The following POU4F1 variants were observed in gnomAD, a reference collection of about 807,000 sequenced individuals.
The protein encoded by POU4F1 is POU domain, class 4, transcription factor 1.
Under a neutral mutation model 19.8 loss-of-function variants are expected in POU4F1, and 5 were observed. The ratio of observed to expected loss-of-function variants is 0.25; its 90% CI spans 0.13 to 0.53. The LOEUF is 0.53. POU4F1 is among the 20% of genes least tolerant of loss of function. The pLI is 0.96. For synonymous variants in POU4F1, 266 were observed against 247.7 expected, an observed-to-expected ratio of 1.07 and a Z score of -0.69; for missense variants, 408 against 511.6, an observed-to-expected ratio of 0.80 and a Z score of 1.95.
Position 78,602,536 on chromosome 13 carries a change from A to C in POU4F1, c.139T>G (p.Phe47Val). The C allele has an allele frequency of 6.4e-7, 1 of 1,559,506 alleles. No individual in the cohort carries two copies. Among genetic ancestry groups the C allele is most frequent in the Non-Finnish European group, 8.6e-7 (1 of 1,157,450 alleles). ...AGCAGCGTCTCGTCCAGGCTGGCGAAGAGGTTGCTCTGCAGCTGCAGGCGA... is the reference window on the plus strand; with the variant it reads ...AGCAGCGTCTCGTCCAGGCTGGCGACGAGGTTGCTCTGCAGCTGCAGGCGA... ...LPTPPLQSNL[F>V]ASLDETLLAR... The change falls in exon 2 of 2, where the codon TTC becomes GTC. Residue 47 changes from phenylalanine to valine, a missense_variant. Physicochemically the swap from Phe to Val is conservative, Grantham distance 50. This residue lies in a region of POU4F1 where 294 missense variants were observed against 288.2 expected (regional missense o/e 1.02). Coordinates refer to ENST00000377208, the MANE Select transcript of POU4F1 (RefSeq NM_006237.4).
In POU4F1 at chr13:78,599,857, G is replaced by T. The variant is rs535048232; in HGVS notation, c.*1558C>A. 2.0e-5 allele frequency: 3 copies of T among 152,710 alleles called. No homozygotes were observed. Among genetic ancestry groups the T allele is most frequent in the South Asian group, 4.1e-4 (2 of 4,830 alleles). 9.5% of individuals were successfully genotyped at this position (152,710 alleles called of 1,614,324 possible). On this transcript the variant is annotated 3_prime_UTR_variant, in exon 2 of 2. Coordinates refer to ENST00000377208, the MANE Select transcript of POU4F1 (RefSeq NM_006237.4). ...ATTTTTTAAAATCCACCAGCAGCTTGTAAGGTACCTGATTATTACTATGAA... is the reference window on the plus strand; with the variant it reads ...ATTTTTTAAAATCCACCAGCAGCTTTTAAGGTACCTGATTATTACTATGAA...
chr13:78,602,692 G>A, intron 1 of POU4F1, 141 bp from the exon 2 acceptor site: 1 of 984,486 alleles, frequency 1.0e-6, no homozygotes, highest in East Asian at 3.3e-5. Flanking sequence ...ACGGGTTTGG[G>A]GGCAGTGGAG....
At position 78,602,212 on chromosome 13, in the gene POU4F1, C is replaced by CGCA; in HGVS notation, c.462_463insTGC (p.Gly154_Gly155insCys). On this transcript the variant is annotated inframe_insertion, in exon 2 of 2. Transcript: ENST00000377208. ...GGGCCGCCGCCCGGGCCGCCGCCGC[C>CGCA]GCCCGGGCCGCCACCGCCCCCCGGG... The CGCA allele has an allele frequency of 1.3e-6, 1 of 755,670 alleles. No individual in the cohort carries two copies. Among genetic ancestry groups the CGCA allele is most frequent in the South Asian group, 6.1e-5 (1 of 16,470 alleles). The allele number at this position is 755,670 out of a possible 1,614,324, so 46.8% of individuals were successfully genotyped here.
In POU4F1 at chr13:78,599,121, T is replaced by C. The variant is rs1351022113; in HGVS notation, c.*2294A>G. On this transcript the variant is annotated 3_prime_UTR_variant, in exon 2 of 2. Coordinates refer to ENST00000377208, the MANE Select transcript of POU4F1 (RefSeq NM_006237.4). ...TGTTTGGTTGTTTGTTGAAAGGTTC[T>C]ACCAGGACCTGGCCCAGTATAAACA... 6.6e-6 allele frequency: 1 copy of C among 152,588 alleles called. No individual in the cohort carries two copies. Among genetic ancestry groups the C allele is most frequent in the Non-Finnish European group, 1.5e-5 (1 of 68,054 alleles). 9.5% of individuals were successfully genotyped at this position (152,588 alleles called of 1,614,324 possible).
At position 78,599,246 on chromosome 13, in the gene POU4F1, T is replaced by C. The variant is rs981981570; in HGVS notation, c.*2169A>G. 8.5e-5 allele frequency: 13 copies of C among 152,644 alleles called. No homozygotes were observed. The highest frequency in any genetic ancestry group is 3.3e-4 in the Admixed American group (5 of 15,286). 9.5% of individuals were successfully genotyped at this position (152,644 alleles called of 1,614,324 possible). ...CCCTGTTGTATTTTGGCGCATAGAA[T>C]TGGTTCTGATAGAAGTAAGGGAGGA... is the stretch of plus-strand genomic sequence containing the variant. On this transcript the variant is annotated 3_prime_UTR_variant, in exon 2 of 2. Transcript: ENST00000377208.
Position 78,602,262 on chromosome 13 carries a change from G to GCCGCCGCGCCCGCGCCGC in POU4F1, c.395_412dup (p.Gly132_Ala137dup). The GCCGCCGCGCCCGCGCCGC allele has an allele frequency of 4.6e-6, 5 of 1,078,694 alleles. No individual in the cohort carries two copies. The highest frequency in any genetic ancestry group is 4.5e-6 in the Non-Finnish European group (4 of 889,800). 66.8% of individuals were successfully genotyped at this position (1,078,694 alleles called of 1,614,324 possible). A position where few individuals can be genotyped will look rare whatever the true frequency, so the allele number is the denominator to read the frequency against. On this transcript the variant is annotated inframe_insertion, in exon 2 of 2. Coordinates refer to ENST00000377208, the MANE Select transcript of POU4F1 (RefSeq NM_006237.4). ...GCCGTCGTGGGCGCCGCCGCCGCCG[G>GCCGCCGCGCCCGCGCCGC]CCGCCGCGCCCGCGCCGCCCGCGCC...
In POU4F1 at chr13:78,602,580, A is replaced by T; in HGVS notation, c.124-29T>A. The T allele has an allele frequency of 4.3e-6, 6 of 1,406,636 alleles. No homozygotes were observed. In the South Asian group the frequency reaches 7.8e-5, roughly 18 times the overall value. 87.1% of individuals were successfully genotyped at this position (1,406,636 alleles called of 1,614,324 possible). On this transcript the variant is annotated intron_variant, in intron 1 of 1. Coordinates refer to ENST00000377208, the MANE Select transcript of POU4F1 (RefSeq NM_006237.4). ...CAGGCGACACAAACCAAACCAAAAAAACCACAAAACCAAAAGAGCAAAACA... is the reference window on the plus strand; with the variant it reads ...CAGGCGACACAAACCAAACCAAAAATACCACAAAACCAAAAGAGCAAAACA...
rs1340516122 is a variant in POU4F1 at position 78,603,257 on chromosome 13, A to G, written c.70T>C (p.Ser24Pro). Residue 24 changes from serine (S) to proline (P), a missense_variant, in exon 1 of 2, where the codon TCG becomes CCG. Coordinates refer to ENST00000377208, the MANE Select transcript of POU4F1 (RefSeq NM_006237.4). ...ATGGCCTCGGAGCTGGAGTGCAGCG[A>G]CGGGTACTTGTGCTCAGGGAGGGTG... Reference protein sequence around the residue: ...HPTLPEHKYPSLHSSSEAIRR... With the variant: ...HPTLPEHKYPPLHSSSEAIRR... 6.4e-7 allele frequency: 1 copy of G among 1,574,030 alleles called. No individual in the cohort carries two copies. The highest frequency in any genetic ancestry group is 8.6e-7 in the Non-Finnish European group (1 of 1,161,870).
chr13:78,603,112 G>T, intron 1 of POU4F1, 92 bp downstream of exon 1: 1 of 1,051,710 alleles, frequency 9.5e-7, no homozygotes, highest in Non-Finnish European at 1.3e-6. Flanking sequence ...TCCCCGCACC[G>T]GGACCTGCAC....
Position 78,602,433 on chromosome 13 carries a change from G to A in POU4F1, c.242C>T (p.Thr81Met), listed in dbSNP as rs1451046566. Residue 81 changes from threonine to methionine, a missense_variant, in exon 2 of 2, where the codon ACG (threonine) becomes ATG (methionine). Transcript: ENST00000377208. ...CGGCACGCTGTTCATCGTGTGGTACGTGGCGTCCGGCTTGAAAGGATGGCT... is the reference window on the plus strand; with the variant it reads ...CGGCACGCTGTTCATCGTGTGGTACATGGCGTCCGGCTTGAAAGGATGGCT... ...GKSHPFKPDATYHTMNSVPCT... is the reference protein window; with the variant it reads ...GKSHPFKPDAMYHTMNSVPCT... 5.6e-6 allele frequency: 9 copies of A among 1,594,078 alleles called. No homozygotes were observed. Among genetic ancestry groups the A allele is most frequent in the Non-Finnish European group, 6.8e-6 (8 of 1,171,816 alleles).
At position 78,601,913 on chromosome 13, in the gene POU4F1, G is replaced by A. The variant is rs1874712167; in HGVS notation, c.762C>T (p.Gly254=). ...SAAAAVVGAA[G]LASICDSDTD... is the part of the protein sequence containing the mutation. ...TGTCCGAGTCGCAGATGGACGCCAG[G>A]CCCGCTGCGCCCACCACGGCCGCCG... Residue 254 remains glycine, a synonymous_variant, in exon 2 of 2, where the codon GGC becomes GGT. Transcript: ENST00000377208. The A allele has an allele frequency of 7.3e-7, 1 of 1,375,418 alleles. No homozygotes were observed. Among genetic ancestry groups the A allele is most frequent in the Non-Finnish European group, 9.4e-7 (1 of 1,066,388 alleles). The allele number at this position is 1,375,418 out of a possible 1,614,324, so 85.2% of individuals were successfully genotyped here. A position where few individuals can be genotyped will look rare whatever the true frequency, so the allele number is the denominator to read the frequency against.
At position 78,598,672 on chromosome 13, in the gene POU4F1, A is replaced by T. The variant is rs532881012; in HGVS notation, c.*2743T>A. ...CATCTGATCTAGTCCCAAGTCACCA[A>T]GAAATAGAGGCTCTCTAGTCACTGT... On this transcript the variant is annotated 3_prime_UTR_variant, in exon 2 of 2. Coordinates refer to ENST00000377208, the MANE Select transcript of POU4F1 (RefSeq NM_006237.4). The T allele has an allele frequency of 6.6e-6, 1 of 152,362 alleles. No individual in the cohort carries two copies. Among genetic ancestry groups the T allele is most frequent in the South Asian group, 2.1e-4 (1 of 4,828 alleles). The allele number at this position is 152,362 out of a possible 1,614,324, so 9.4% of individuals were successfully genotyped here. A position where few individuals can be genotyped will look rare whatever the true frequency, so the allele number is the denominator to read the frequency against.
rs1874790588 is a variant in POU4F1, at chr13:78,603,341, A to AAT, written c.-16_-15insAT. ...ATGGACATCATCGTGGCGGCTTGGC[A>AAT]TGTATATCCACAAACACTCCGAAAG... is the stretch of plus-strand genomic sequence containing the variant. On this transcript the variant is annotated 5_prime_UTR_variant, in exon 1 of 2. It removes an upstream start codon present in the reference 5' UTR. Transcript: ENST00000377208. 1 of 1,572,864 alleles carries AAT rather than the reference A, an allele frequency of 6.4e-7. No homozygotes were observed. Among genetic ancestry groups the AAT allele is most frequent in the Non-Finnish European group, 8.6e-7 (1 of 1,160,528 alleles).
chr13:78,601,295 T>C lies in POU4F1; in HGVS notation c.*120A>G. The C allele has an allele frequency of 6.9e-7, 1 of 1,456,904 alleles. No individual in the cohort carries two copies. 90.2% of individuals were successfully genotyped at this position (1,456,904 alleles called of 1,614,324 possible). A position where few individuals can be genotyped will look rare whatever the true frequency, so the allele number is the denominator to read the frequency against. ...TGGAGGAAAGAGAGCGAGAAGGGAC[T>C]CCCCAAATGCAGGCAGGATAACGGA... On this transcript the variant is annotated 3_prime_UTR_variant, in exon 2 of 2. Transcript: ENST00000377208.
At chr13:78,602,907 C>T (rs747655528) in intron 1 of POU4F1, among the ~76,000 whole-genome samples, 5 of 152,176 alleles carry the variant, frequency 3.3e-5, no homozygotes, top group African/African-American at 7.2e-5. Context: ...CACCCGAGCA[C>T]GCACAGAGAC....
In POU4F1 at chr13:78,602,282, C is replaced by G; in HGVS notation, c.393G>C (p.Ala131=). The G allele has an allele frequency of 2.5e-6, 3 of 1,214,540 alleles. No individual in the cohort carries two copies. Among genetic ancestry groups the G allele is most frequent in the Non-Finnish European group, 3.1e-6 (3 of 977,396 alleles). 75.2% of individuals were successfully genotyped at this position (1,214,540 alleles called of 1,614,324 possible). ...CGCCGGCCGCCGCGCCCGCGCCGCC[C>G]GCGCCGGCCATGAGCGCGAGCGACG... The part of the protein sequence containing the change: ...SSPSLALMAG[A]GGAGAAAGGG... The change falls in exon 2 of 2, where the codon GCG becomes GCC. Residue 131 remains alanine (A), a synonymous_variant. Coordinates refer to ENST00000377208, the MANE Select transcript of POU4F1 (RefSeq NM_006237.4).
rs771505297 is a variant in POU4F1, at chr13:78,599,879, T to A, written c.*1536A>T. ...CTTGTAAGGTACCTGATTATTACTA[T>A]GAAATACTATACATGATTTTCTATT... On this transcript the variant is annotated 3_prime_UTR_variant, in exon 2 of 2. Coordinates refer to ENST00000377208, the MANE Select transcript of POU4F1 (RefSeq NM_006237.4). The A allele has an allele frequency of 6.6e-6, 1 of 152,658 alleles. No homozygotes were observed. The highest frequency in any genetic ancestry group is 2.4e-5 in the African/African-American group (1 of 41,462). The allele number at this position is 152,658 out of a possible 1,614,324, so 9.5% of individuals were successfully genotyped here. A position where few individuals can be genotyped will look rare whatever the true frequency, so the allele number is the denominator to read the frequency against.
In POU4F1 at chr13:78,601,928, C is replaced by A. The variant is rs2137402908; in HGVS notation, c.747G>T (p.Val249=). The part of the protein sequence containing the change: ...QVAAASAAAA[V]VGAAGLASIC... ...TGGACGCCAGGCCCGCTGCGCCCAC[C>A]ACGGCCGCCGCCGCCGATGCCGCTG... The change falls in exon 2 of 2, where the codon GTG becomes GTT. Residue 249 remains valine, a synonymous_variant. Transcript: ENST00000377208. 2 of 1,287,076 alleles carry A rather than the reference C, an allele frequency of 1.6e-6. No individual in the cohort carries two copies. Among genetic ancestry groups the A allele is most frequent in the East Asian group, 3.1e-5 (1 of 32,230 alleles). The allele number at this position is 1,287,076 out of a possible 1,614,324, so 79.7% of individuals were successfully genotyped here.
rs1231316882 is a variant in POU4F1, at chr13:78,598,436, A to G, written c.*2979T>C. On this transcript the variant is annotated 3_prime_UTR_variant, in exon 2 of 2. Transcript: ENST00000377208. Reference sequence around the variant, plus strand: ...AACAGCAAAAACAAATCAACTTTTTATGGAAGAGTTCTATGTTTAAAAATA... The same window carrying G: ...AACAGCAAAAACAAATCAACTTTTTGTGGAAGAGTTCTATGTTTAAAAATA... 2 of 151,956 alleles carry G rather than the reference A, an allele frequency of 1.3e-5. No homozygotes were observed. Among genetic ancestry groups the G allele is most frequent in the African/African-American group, 4.8e-5 (2 of 41,400 alleles). 9.4% of individuals were successfully genotyped at this position (151,956 alleles called of 1,614,324 possible). A position where few individuals can be genotyped will look rare whatever the true frequency, so the allele number is the denominator to read the frequency against.
Sources: gnomAD v4.1 joint callset for allele counts (sites outside exome capture counted in the v4.1 genomes callset) on GRCh38, gnomAD v4.1.1 for gene constraint, gnomAD v4.1.1 regional missense constraint, MANE v1.5 for transcripts, NCBI Gene and HGNC (gene_info 2026-07-23, HGNC 2026-07-21) for gene names.